TRPS1: variants seen among roughly 807,000 people sequenced by gnomAD.
The protein encoded by TRPS1 is zinc finger transcription factor Trps1.
In TRPS1, 6 loss-of-function variants were observed where a neutral mutation model predicts 101.2. The observed-to-expected ratio is 0.06, with a 90% confidence interval of 0.03 to 0.12. The LOEUF is 0.12. TRPS1 is among the 10% of genes least tolerant of loss of function. TRPS1 has a pLI of 1.00. For synonymous variants in TRPS1, 578 were observed against 589.8 expected, an observed-to-expected ratio of 0.98 and a Z score of 0.29; for missense variants, 1,363 against 1,567.0, an observed-to-expected ratio of 0.87 and a Z score of 2.20.
At chr8:115,640,145 A>C (rs567303085) in intron 1 of TRPS1, among the ~76,000 whole-genome samples, 1 of 152,212 alleles carries the variant, frequency 6.6e-6, no homozygotes, top group Non-Finnish European at 1.5e-5. Context: ...TATACTTGAT[A>C]ATTTCAAAAA....
intron 4 of TRPS1, among the ~76,000 whole-genome samples, chr8:115,591,497 C>T (rs1208779865): frequency 6.6e-6 from 1 of 152,118 alleles, no homozygotes; most frequent in East Asian, 1.9e-4. Flanking sequence ...GGGTATGACA[C>T]CCTGAGACAA....
chr8:115,535,163 T>TATATATAGCAC (rs1563582592), intron 5 of TRPS1, among the ~76,000 whole-genome samples: 1 of 45,872 alleles, frequency 2.2e-5, no homozygotes, highest in African/African-American at 1.6e-4. Flanking sequence ...ATGTATAGCA[T>TATATATAGCAC]ATGTATTGCA....
At chr8:115,650,357 G>C (rs1263708339) in intron 1 of TRPS1, among the ~76,000 whole-genome samples, 1 of 152,162 alleles carries the variant, frequency 6.6e-6, no homozygotes, top group Non-Finnish European at 1.5e-5. Context: ...TGTTTTTAAA[G>C]AAGGCATAGA....
chr8:115,665,319 A>G (rs547940088), intron 1 of TRPS1, among the ~76,000 whole-genome samples: 2 of 152,298 alleles, frequency 1.3e-5, no homozygotes, highest in South Asian at 4.1e-4. Flanking sequence ...AAAAATGTAC[A>G]CATCATTAAT....
At chr8:115,606,296 T>C (rs1459140353) in intron 3 of TRPS1, among the ~76,000 whole-genome samples, 1 of 152,198 alleles carries the variant, frequency 6.6e-6, no homozygotes, top group Non-Finnish European at 1.5e-5. Flanking sequence ...TAAAAAGAGA[T>C]GTGACCTTGA....
chr8:115,469,997 G>A (rs1309175356), intron 5 of TRPS1, among the ~76,000 whole-genome samples: 3 of 152,134 alleles, frequency 2.0e-5, no homozygotes, highest in African/African-American at 4.8e-5. Context: ...ATATGCTTTG[G>A]TCTTTGACAG....
chr8:115,583,538 A>C (rs1359438410), intron 5 of TRPS1, among the ~76,000 whole-genome samples: 3 of 152,108 alleles, frequency 2.0e-5, no homozygotes, highest in Admixed American at 6.6e-5. Flanking sequence ...TAGAAATGTT[A>C]AGATAATAAA....
chr8:115,554,061 A>G (rs920641339), intron 5 of TRPS1, among the ~76,000 whole-genome samples: 1 of 152,202 alleles, frequency 6.6e-6, no homozygotes. Flanking sequence ...TTTTAAAGAA[A>G]CTAAGAGTGT....
intron 1 of TRPS1, among the ~76,000 whole-genome samples, chr8:115,653,112 G>C (rs16887612): frequency 0.061 from 9,302 of 152,202 alleles, 383 homozygotes; most frequent in South Asian, 0.11. Flanking sequence ...AATGCCAAGA[G>C]TACATGGAAA....
At chr8:115,484,653 T>C (rs1814834696) in intron 5 of TRPS1, among the ~76,000 whole-genome samples, 2 of 152,184 alleles carry the variant, frequency 1.3e-5, no homozygotes, top group Admixed American at 1.3e-4. Flanking sequence ...ATGACTTTTT[T>C]CCTGGAAATC....
At chr8:115,446,179 A>C (rs1056016472) in intron 5 of TRPS1, among the ~76,000 whole-genome samples, 5 of 152,146 alleles carry the variant, frequency 3.3e-5, no homozygotes, top group Non-Finnish European at 7.4e-5. Context: ...AAATGTAAGG[A>C]TGTTTCCAGC....
At chr8:115,606,135 A>C (rs963479700) in intron 3 of TRPS1, among the ~76,000 whole-genome samples, 23 of 152,180 alleles carry the variant, frequency 1.5e-4, no homozygotes, top group African/African-American at 5.5e-4. Context: ...ATCGCTGTTC[A>C]TATCCAAATC....
chr8:115,444,608 C>T (rs1586279497), intron 5 of TRPS1, among the ~76,000 whole-genome samples: 1 of 152,178 alleles, frequency 6.6e-6, no homozygotes, highest in East Asian at 1.9e-4. Flanking sequence ...CTATGAGCTT[C>T]TAGAGGGCAA....
intron 5 of TRPS1, among the ~76,000 whole-genome samples, chr8:115,508,424 T>C (rs963965558): frequency 1.3e-5 from 2 of 152,128 alleles, no homozygotes; most frequent in African/African-American, 4.8e-5. Flanking sequence ...GTCGTAGTAC[T>C]GTCCTCAGCC....
intron 1 of TRPS1, chr8:115,637,391 G>A: frequency 1.3e-6 from 1 of 798,032 alleles, no homozygotes; most frequent in African/African-American, 1.9e-5. Flanking sequence ...ACGGAAGAAG[G>A]GAAAGGTAGA....
chr8:115,591,123 C>A (rs1197560464), intron 4 of TRPS1, among the ~76,000 whole-genome samples: 2 of 152,086 alleles, frequency 1.3e-5, no homozygotes, highest in Admixed American at 6.6e-5. Context: ...AATTGTCAAG[C>A]TTTACTCTTT....
At chr8:115,430,055 C>T (rs1813281570) in intron 5 of TRPS1, among the ~76,000 whole-genome samples, 1 of 152,040 alleles carries the variant, frequency 6.6e-6, no homozygotes, top group Non-Finnish European at 1.5e-5. Context: ...AACAAAAATG[C>T]TTAGTTGTGA....
intron 5 of TRPS1, among the ~76,000 whole-genome samples, chr8:115,484,156 T>C (rs548474416): frequency 6.6e-5 from 10 of 152,090 alleles, no homozygotes; most frequent in Middle Eastern, 3.4e-3. Context: ...CCAACATCAA[T>C]GTATCTCAAA....
chr8:115,501,258 A>G (rs1360458225), intron 5 of TRPS1, among the ~76,000 whole-genome samples: 1 of 152,194 alleles, frequency 6.6e-6, no homozygotes, highest in East Asian at 1.9e-4. Flanking sequence ...CACCTAGCTG[A>G]GCAGGCCCAG....
Sources: gnomAD v4.1 joint callset for allele counts (sites outside exome capture counted in the v4.1 genomes callset) on GRCh38, gnomAD v4.1.1 for gene constraint, MANE v1.5 for transcripts, NCBI Gene and HGNC (gene_info 2026-07-23, HGNC 2026-07-21) for gene names.